SPATA17: variants seen among roughly 807,000 people sequenced by gnomAD.
SPATA17 encodes the protein spermatogenesis associated 17, also known as spermatogenesis-associated protein 17.
SPATA17 carries 53 observed loss-of-function variants against 62.2 expected under a neutral mutation model. The ratio of observed to expected loss-of-function variants is 0.85; its 90% confidence interval spans 0.68 to 1.07. The LOEUF is 1.07. Ranked by LOEUF, SPATA17 falls within the 50% of genes least tolerant of loss-of-function variation. The pLI is 0.00. For missense variants in SPATA17, 466 were observed against 425.5 expected, an observed-to-expected ratio of 1.10 and a Z score of -0.84; for synonymous variants, 146 against 146.8, an observed-to-expected ratio of 0.99 and a Z score of 0.04.
At chr1:217,702,808 A>G (rs1671629844) in intron 5 of SPATA17, among the ~76,000 whole-genome samples, 1 of 151,988 alleles carries the variant, frequency 6.6e-6, no homozygotes, top group Admixed American at 6.6e-5. Flanking sequence ...CATATGTTCT[A>G]TCGAATGATA....
chr1:217,772,997 A>T (rs1353445684), intron 6 of SPATA17, among the ~76,000 whole-genome samples: 1 of 151,790 alleles, frequency 6.6e-6, no homozygotes, highest in Non-Finnish European at 1.5e-5. Flanking sequence ...TTGGTATAGG[A>T]TGTTGCATTT....
chr1:217,717,462 A>G (rs73095342), intron 5 of SPATA17, among the ~76,000 whole-genome samples: 210 of 152,168 alleles, frequency 1.4e-3, no homozygotes, highest in African/African-American at 4.8e-3. Context: ...ATTCAAAAAA[A>G]TTAGCTGGCG....
intron 9 of SPATA17, among the ~76,000 whole-genome samples, chr1:217,830,790 T>G (rs1426262004): frequency 6.6e-6 from 1 of 152,144 alleles, no homozygotes; most frequent in Non-Finnish European, 1.5e-5. Flanking sequence ...AAGTTACTTT[T>G]TAGGTGACTG....
At chr1:217,744,324 G>A (rs926425819) in intron 6 of SPATA17, among the ~76,000 whole-genome samples, 2 of 97,908 alleles carry the variant, frequency 2.0e-5, no homozygotes, top group African/African-American at 3.1e-5. Context: ...TTAGCCGGGC[G>A]TAGTGGCGGG....
chr1:217,814,120 A>G (rs1260194022), intron 9 of SPATA17, among the ~76,000 whole-genome samples: 1 of 152,196 alleles, frequency 6.6e-6, no homozygotes, highest in African/African-American at 2.4e-5. Context: ...AAGATTCTCA[A>G]AAGATTAAAT....
At chr1:217,730,525 T>TTTTG (rs1027745973) in intron 5 of SPATA17, among the ~76,000 whole-genome samples, 5 of 152,062 alleles carry the variant, frequency 3.3e-5, no homozygotes, top group South Asian at 2.1e-4. Flanking sequence ...CCAGCCAAGT[T>TTTTG]TTTGTTTGTT....
At chr1:217,641,243 A>G (rs149824199) in intron 1 of SPATA17, among the ~76,000 whole-genome samples, 44 of 152,250 alleles carry the variant, frequency 2.9e-4, no homozygotes, top group African/African-American at 1.1e-3. Context: ...TCAAGGAGAA[A>G]GATCAGCAAA....
At chr1:217,808,627 G>A (rs1455700478) in intron 9 of SPATA17, among the ~76,000 whole-genome samples, 1 of 152,122 alleles carries the variant, frequency 6.6e-6, no homozygotes, top group Non-Finnish European at 1.5e-5. Flanking sequence ...GCCGAGGTGG[G>A]CAGATCCCAA....
At chr1:217,754,439 G>T (rs1423086268) in intron 6 of SPATA17, among the ~76,000 whole-genome samples, 1 of 152,056 alleles carries the variant, frequency 6.6e-6, no homozygotes, top group Non-Finnish European at 1.5e-5. Flanking sequence ...TCTAATGAAA[G>T]AAATGGGGCT....
chr1:217,714,409 A>G (rs1671948224), intron 5 of SPATA17, among the ~76,000 whole-genome samples: 1 of 151,940 alleles, frequency 6.6e-6, no homozygotes, highest in African/African-American at 2.4e-5. Flanking sequence ...AACAAGCAAA[A>G]TATCATGCAC....
chr1:217,750,300 G>A (rs1033767689), intron 6 of SPATA17, among the ~76,000 whole-genome samples: 1 of 151,838 alleles, frequency 6.6e-6, no homozygotes, highest in Non-Finnish European at 1.5e-5. Flanking sequence ...AGAAAACTAC[G>A]TTCAGAGACC....
At chr1:217,706,303 C>T (rs938820012) in intron 5 of SPATA17, among the ~76,000 whole-genome samples, 2 of 152,074 alleles carry the variant, frequency 1.3e-5, no homozygotes, top group African/African-American at 4.8e-5. Flanking sequence ...GGCAGTGTGG[C>T]CATTTTAACA....
chr1:217,700,762 C>CTT (rs71556698), intron 5 of SPATA17, among the ~76,000 whole-genome samples: 38,908 of 134,532 alleles, frequency 0.29, 6,053 homozygotes, highest in African/African-American at 0.38. Context: ...TTTTCTTTTT[C>CTT]TTTTTTTTTT....
At chr1:217,842,736 A>G (rs573019635) in intron 9 of SPATA17, among the ~76,000 whole-genome samples, 11 of 151,960 alleles carry the variant, frequency 7.2e-5, no homozygotes, top group Non-Finnish European at 1.5e-4. Flanking sequence ...TAGTTTTTTC[A>G]TGGAATGATC....
chr1:217,848,613 T>C (rs996167244), intron 9 of SPATA17, among the ~76,000 whole-genome samples: 3 of 152,168 alleles, frequency 2.0e-5, no homozygotes, highest in Admixed American at 6.5e-5. Context: ...TCTTTCAATA[T>C]AATCTTTCTG....
chr1:217,648,299 A>G (rs1670235037), intron 1 of SPATA17, among the ~76,000 whole-genome samples: 1 of 152,142 alleles, frequency 6.6e-6, no homozygotes, highest in South Asian at 2.1e-4. Flanking sequence ...TTCTCCCTAT[A>G]TTGTACATGT....
At chr1:217,849,012 CT>C (rs1675588404) in intron 9 of SPATA17, among the ~76,000 whole-genome samples, 4 of 152,164 alleles carry the variant, frequency 2.6e-5, no homozygotes, top group Admixed American at 2.6e-4. Flanking sequence ...GCAGCTTGTA[CT>C]TGTTTAATGG....
intron 5 of SPATA17, among the ~76,000 whole-genome samples, chr1:217,713,088 C>T (rs372212782): frequency 1.3e-4 from 20 of 152,178 alleles, no homozygotes; most frequent in South Asian, 1.0e-3. Flanking sequence ...AAACCAGCCA[C>T]GGTGATACAA....
chr1:217,714,502 T>TTTTTTTTTTTTTTA (rs1294219534), intron 5 of SPATA17, among the ~76,000 whole-genome samples: 15 of 148,538 alleles, frequency 1.0e-4, no homozygotes, highest in African/African-American at 2.7e-4. Flanking sequence ...TTTTTTTTTT[T>TTTTTTTTTTTTTTA]GAGACAGAGT....
Sources: allele counts gnomAD v4.1 joint callset (sites outside exome capture counted in the v4.1 genomes callset), GRCh38; gene constraint gnomAD v4.1.1; transcripts MANE v1.5; gene names NCBI Gene and HGNC (gene_info 2026-07-23, HGNC 2026-07-21).